The following SLC8A1 variants were observed in gnomAD, a reference collection of about 807,000 sequenced individuals.
SLC8A1 encodes solute carrier family 8 member A1.
A neutral mutation model predicts 68.3 loss-of-function variants in SLC8A1; 18 were observed. The ratio of observed to expected loss-of-function variants is 0.26; its 90% confidence interval spans 0.18 to 0.39. SLC8A1 has a LOEUF of 0.39. Among genes scored for constraint, SLC8A1 ranks in the 10% least tolerant of loss-of-function variants. The pLI is 1.00. For missense variants in SLC8A1, 985 were observed against 1,156.7 expected, an observed-to-expected ratio of 0.85 and a Z score of 2.15; for synonymous variants, 475 against 415.5, an observed-to-expected ratio of 1.14 and a Z score of -1.74.
intron 6 of SLC8A1, among the ~76,000 whole-genome samples, chr2:40,145,226 C>A (rs1313539085): frequency 6.6e-6 from 1 of 152,180 alleles, no homozygotes; most frequent in Non-Finnish European, 1.5e-5. Context: ...AGCATAATGT[C>A]TTCCAGGCCC....
intron 2 of SLC8A1, among the ~76,000 whole-genome samples, chr2:40,240,040 C>G (rs575961626): frequency 6.6e-6 from 1 of 152,292 alleles, no homozygotes; most frequent in Admixed American, 6.5e-5. Context: ...CGCTTACCTC[C>G]AAGTCAAGAG....
chr2:40,227,343 G>T (rs1363191595), intron 2 of SLC8A1, among the ~76,000 whole-genome samples: 1 of 151,988 alleles, frequency 6.6e-6, no homozygotes, highest in Admixed American at 6.6e-5. Context: ...CACACTCTGT[G>T]ATCTCACAGA....
intron 1 of SLC8A1, among the ~76,000 whole-genome samples, chr2:40,466,156 A>G (rs922632116): frequency 6.6e-6 from 1 of 152,180 alleles, no homozygotes; most frequent in Non-Finnish European, 1.5e-5. Context: ...GGGGAAATTG[A>G]GTCCGAAGGA....
At position 40,225,996 on chromosome 2, in the gene SLC8A1, T is replaced by C. The variant is rs139046055; in HGVS notation, c.1809-48141A>G. 1.4e-4 allele frequency among the ~76,000 whole-genome samples: 21 copies of C among 152,316 alleles called. No homozygotes were observed. The East Asian group carries it at 3.3e-3, about 24-fold the overall frequency. On this transcript the variant is annotated intron_variant, in intron 2 of 7. Transcript: ENST00000406785. ...TAGCTTAGCAGGCAAGTAAATAAGA[T>C]GGTAAACAATACTCTTTTTTCTGCA...
At chr2:40,214,655 G>C (rs1438162508) in intron 2 of SLC8A1, among the ~76,000 whole-genome samples, 2 of 151,860 alleles carry the variant, frequency 1.3e-5, no homozygotes, top group African/African-American at 4.8e-5. Flanking sequence ...CGCCAGGCTG[G>C]TCTCGAACTC....
chr2:40,325,151 C>A (rs1234546590), intron 2 of SLC8A1, among the ~76,000 whole-genome samples: 2 of 151,738 alleles, frequency 1.3e-5, no homozygotes, highest in African/African-American at 2.4e-5. Context: ...ATAGGGAAAA[C>A]AACTTGTATT....
chr2:40,399,098 A>G (rs373876292), intron 2 of SLC8A1, among the ~76,000 whole-genome samples: 1 of 152,178 alleles, frequency 6.6e-6, no homozygotes, highest in South Asian at 2.1e-4. Flanking sequence ...TAACATTTTC[A>G]TGGTCATATA....
chr2:40,311,486 C>T (rs2073662893), intron 2 of SLC8A1, among the ~76,000 whole-genome samples: 2 of 151,954 alleles, frequency 1.3e-5, no homozygotes, highest in South Asian at 2.1e-4. Flanking sequence ...TGATGTATGT[C>T]TACTGAACTC....
intron 2 of SLC8A1, among the ~76,000 whole-genome samples, chr2:40,253,307 CACATATATACACACACATATATGTGT>C (rs1201136206): frequency 6.7e-6 from 1 of 150,034 alleles, no homozygotes. Context: ...CACATATATA[CACATATATACACACACATATATGTGT>C]ATATATATAC....
At chr2:40,368,745 G>A (rs1280743565) in intron 2 of SLC8A1, among the ~76,000 whole-genome samples, 2 of 151,524 alleles carry the variant, frequency 1.3e-5, no homozygotes, top group Non-Finnish European at 2.9e-5. Context: ...CTTTCCTCCC[G>A]CCCAATATGT....
rs150522691 is a variant in SLC8A1, at chr2:40,499,694, T to C, written c.-25+12655A>G. Among the ~76,000 whole-genome samples the C allele has an allele frequency of 7.2e-5, 11 of 152,128 alleles. No individual in the cohort carries two copies. In the East Asian group the frequency reaches 1.9e-3, roughly 27 times the overall value. ...CCCAGGACCTAGGACAATCTTCTGG[T>C]TGGTTATCGGACCAGCTCAGGCACT... On this transcript the variant is annotated intron_variant, in intron 1 of 7. Transcript: ENST00000402441.
At chr2:40,249,201 G>C (rs2062351443) in intron 2 of SLC8A1, among the ~76,000 whole-genome samples, 1 of 152,080 alleles carries the variant, frequency 6.6e-6, no homozygotes, top group Non-Finnish European at 1.5e-5. Context: ...ATATCTCTCA[G>C]AGCTGAAATT....
chr2:40,422,937 T>C (rs1695907858), intron 2 of SLC8A1, among the ~76,000 whole-genome samples: 1 of 152,150 alleles, frequency 6.6e-6, no homozygotes, highest in Admixed American at 6.5e-5. Flanking sequence ...GCAAGGTCAC[T>C]TACTTCATTG....
chr2:40,188,143 A>G (rs1558673768), intron 2 of SLC8A1, among the ~76,000 whole-genome samples: 2 of 152,202 alleles, frequency 1.3e-5, no homozygotes, highest in Non-Finnish European at 2.9e-5. Flanking sequence ...TGCAAATTCT[A>G]TGAGAGGGTC....
chr2:40,432,866 T>C (rs1041079817), intron 1 of SLC8A1, among the ~76,000 whole-genome samples: 1 of 152,128 alleles, frequency 6.6e-6, no homozygotes, highest in Non-Finnish European at 1.5e-5. Flanking sequence ...TTGCCTACTA[T>C]ATAAAATCTA....
intron 2 of SLC8A1, among the ~76,000 whole-genome samples, chr2:40,293,224 C>A (rs1480744050): frequency 1.3e-5 from 2 of 152,120 alleles, no homozygotes; most frequent in African/African-American, 4.8e-5. Flanking sequence ...TGCATTTGTA[C>A]TTTTGGTTCA....
chr2:40,247,446 GTGT>G (rs2062032411), intron 2 of SLC8A1, among the ~76,000 whole-genome samples: 1 of 147,630 alleles, frequency 6.8e-6, no homozygotes, highest in African/African-American at 2.6e-5. Context: ...GTGTGTGTGT[GTGT>G]GTGTGTGGAG....
At chr2:40,437,682 G>T (rs1699699595) in intron 1 of SLC8A1, among the ~76,000 whole-genome samples, 1 of 152,038 alleles carries the variant, frequency 6.6e-6, no homozygotes, top group Non-Finnish European at 1.5e-5. Context: ...TTTTAAAATA[G>T]AATTTCATTG....
chr2:40,236,020 G>C (rs1184747825), intron 2 of SLC8A1, among the ~76,000 whole-genome samples: 33 of 151,760 alleles, frequency 2.2e-4, no homozygotes, highest in Non-Finnish European at 1.3e-4. Flanking sequence ...TTACTTCCAA[G>C]TATGTGGTCA....
Sources: gnomAD v4.1 joint callset for allele counts (sites outside exome capture counted in the v4.1 genomes callset) on GRCh38, gnomAD v4.1.1 for gene constraint, MANE v1.5 for transcripts, NCBI Gene and HGNC (gene_info 2026-07-23, HGNC 2026-07-21) for gene names.